SV2B: variants seen among roughly 807,000 people sequenced by gnomAD.
The protein encoded by SV2B is synaptic vesicle glycoprotein 2B, also known as solute carrier family 22 member B2.
Under a neutral mutation model 73.9 loss-of-function variants are expected in SV2B, and 41 were observed. The observed-to-expected ratio is 0.56, with a 90% CI of 0.43 to 0.72. The LOEUF (loss-of-function observed/expected upper bound fraction) is 0.72. SV2B is among the 30% of genes least tolerant of loss of function. The pLI is 0.00. For synonymous variants in SV2B, 314 were observed against 314.2 expected, an observed-to-expected ratio of 1.00 and a Z score of 0.01; for missense variants, 764 against 857.8, an observed-to-expected ratio of 0.89 and a Z score of 1.37.
intron 1 of SV2B, among the ~76,000 whole-genome samples, chr15:91,213,343 A>G (rs2045928272): frequency 6.6e-6 from 1 of 152,286 alleles, no homozygotes; most frequent in South Asian, 2.1e-4. Context: ...GTTAGGGTGT[A>G]GCAGAGGCAG....
chr15:91,136,246 C>A lies in SV2B; in HGVS notation c.-392+35883C>A, dbSNP rs77770483. Among the ~76,000 whole-genome samples the A allele has an allele frequency of 3.1e-3, 470 of 152,302 alleles. 2 individuals carry two copies. Among genetic ancestry groups the A allele is most frequent in the Middle Eastern group, 0.014 (4 of 294 alleles). ...AGGATGCCATTCAGGTGGGCATACT[C>A]AGATGCAGTGTAGCATAGGTATAAA... On this transcript the variant is annotated intron_variant, in intron 1 of 12. Coordinates refer to ENST00000394232, the MANE Select transcript of SV2B (RefSeq NM_001323032.3). The surrounding 1 kb of genome is among the most constrained non-coding windows in gnomAD (Gnocchi z 5.6).
In SV2B at chr15:91,300,043, C is replaced by T; in HGVS notation, c.*7491C>T. On this transcript the variant is annotated 3_prime_UTR_variant, in exon 13 of 13. Transcript: ENST00000394232. ...TCCATAGTGTGTGCATATATACACACAAGGTTTGGTTTAATATACTTGCTG... is the reference window on the plus strand; with the variant it reads ...TCCATAGTGTGTGCATATATACACATAAGGTTTGGTTTAATATACTTGCTG... 6.6e-6 allele frequency: 1 copy of T among 152,124 alleles called. No individual in the cohort carries two copies. The highest frequency in any genetic ancestry group is 1.5e-5 in the Non-Finnish European group (1 of 68,016). The allele number at this position is 152,124 out of a possible 1,614,324, so 9.4% of individuals were successfully genotyped here. A position where few individuals can be genotyped will look rare whatever the true frequency, so the allele number is the denominator to read the frequency against.
At position 91,284,289 on chromosome 15, in the gene SV2B, C is replaced by A. The variant is rs2141773295; in HGVS notation, c.1708+68C>A. On this transcript the variant is annotated intron_variant, in intron 11 of 12. Coordinates refer to ENST00000394232, the MANE Select transcript of SV2B (RefSeq NM_001323032.3). This position sits in a 1 kb window ranked among gnomAD's most constrained non-coding sequence, Gnocchi z 4.5. ...GGTGGTGACTTTCAAGTGTATTAAA[C>A]AGGGAAATTTTCCCTTTTATTAAAT... The A allele has an allele frequency of 1.3e-6, 2 of 1,535,642 alleles. No homozygotes were observed. The highest frequency in any genetic ancestry group is 4.5e-5 in the East Asian group (2 of 44,308).
In SV2B at chr15:91,265,005, G is replaced by A. The variant is rs2048051478; in HGVS notation, c.1009-1577G>A. 6.6e-6 allele frequency among the ~76,000 whole-genome samples: 1 copy of A among 152,140 alleles called. No individual in the cohort carries two copies. Among genetic ancestry groups the A allele is most frequent in the Admixed American group, 6.5e-5 (1 of 15,284 alleles). Reference sequence around the variant, plus strand: ...TGATGTAGAAGTAAATGGCTGGATGGGCCAGAAAAAGAAATGAAAAAAGAG... The same window carrying A: ...TGATGTAGAAGTAAATGGCTGGATGAGCCAGAAAAAGAAATGAAAAAAGAG... On this transcript the variant is annotated intron_variant, in intron 6 of 12. Transcript: ENST00000394232. This position sits in a 1 kb window ranked among gnomAD's most constrained non-coding sequence, Gnocchi z 4.2.
At position 91,128,326 on chromosome 15, in the gene SV2B, AT is replaced by A. The variant is rs2042545513; in HGVS notation, c.-392+27965del. On this transcript the variant is annotated intron_variant, in intron 1 of 12. Coordinates refer to ENST00000394232, the MANE Select transcript of SV2B (RefSeq NM_001323032.3). The surrounding 1 kb of genome is among the most constrained non-coding windows in gnomAD (Gnocchi z 4.2). ...AAGCTGTTCTGTTCTTTCCTTGACAATTATCTTTGCAGCTTGTTAGTAAGAT... is the reference window on the plus strand; with the variant it reads ...AAGCTGTTCTGTTCTTTCCTTGACAATATCTTTGCAGCTTGTTAGTAAGAT... Among the ~76,000 whole-genome samples, 1 of 152,162 alleles carries A rather than the reference AT, an allele frequency of 6.6e-6. No individual in the cohort carries two copies. The highest frequency in any genetic ancestry group is 1.5e-5 in the Non-Finnish European group (1 of 68,018).
Position 91,223,410 on chromosome 15 carries a change from G to A in SV2B, c.-391-2463G>A, listed in dbSNP as rs1300316268. Among the ~76,000 whole-genome samples, 2 of 152,218 alleles carry A rather than the reference G, an allele frequency of 1.3e-5. No homozygotes were observed. The highest frequency in any genetic ancestry group is 3.2e-3 in the Middle Eastern group (1 of 316). ...TACTCCACTGCACTTGACATTCACAGCAGGTCTTTTAACTGAATCAGGTGA... is the reference window on the plus strand; with the variant it reads ...TACTCCACTGCACTTGACATTCACAACAGGTCTTTTAACTGAATCAGGTGA... On this transcript the variant is annotated intron_variant, in intron 1 of 12. Transcript: ENST00000394232. This position sits in a 1 kb window ranked among gnomAD's most constrained non-coding sequence, Gnocchi z 4.6.
In SV2B at chr15:91,130,504, T is replaced by TGA. The variant is rs1301045343; in HGVS notation, c.-392+30156_-392+30157dup. ...GAAGTGGAGGGTAAGGAACAGGGAA[T>TGA]GAGAGAGAGAGAGAGAAGCAGCTGC... On this transcript the variant is annotated intron_variant, in intron 1 of 12. Coordinates refer to ENST00000394232, the MANE Select transcript of SV2B (RefSeq NM_001323032.3). This position sits in a 1 kb window ranked among gnomAD's most constrained non-coding sequence, Gnocchi z 5.6. Among the ~76,000 whole-genome samples the TGA allele has an allele frequency of 8.0e-5, 12 of 149,808 alleles. No homozygotes were observed. Among genetic ancestry groups the TGA allele is most frequent in the African/African-American group, 1.5e-4 (6 of 40,734 alleles).
chr15:91,208,378 C>G (rs1189231554), intron 1 of SV2B, among the ~76,000 whole-genome samples: 1 of 152,256 alleles, frequency 6.6e-6, no homozygotes, highest in Non-Finnish European at 1.5e-5. Flanking sequence ...GTGTTTTCCC[C>G]CCACCCTTGA....
rs996075540 is a variant in SV2B at position 91,300,511 on chromosome 15, T to C, written c.*7959T>C. The C allele has an allele frequency of 6.6e-6, 1 of 152,242 alleles. No homozygotes were observed. The highest frequency in any genetic ancestry group is 1.9e-4 in the East Asian group (1 of 5,196). 9.4% of individuals were successfully genotyped at this position (152,242 alleles called of 1,614,324 possible). ...GTAGCCAAAACTTGGAAAGTTCAAATTAATCTTTGGGCTCCAAAGAGCAAT... is the reference window on the plus strand; with the variant it reads ...GTAGCCAAAACTTGGAAAGTTCAAACTAATCTTTGGGCTCCAAAGAGCAAT... On this transcript the variant is annotated 3_prime_UTR_variant, in exon 13 of 13. Transcript: ENST00000394232.
In SV2B at chr15:91,226,533, G is replaced by C. The variant is rs1365105341; in HGVS notation, c.270G>C (p.Gln90His). ...LMAERLEDEE[Q>H]LAHQYETIMD... ...CTGAGAGGCTGGAAGATGAGGAGCA[G>C]TTGGCCCACCAGTACGAGACCATCA... Residue 90 changes from glutamine (Q) to histidine (H), a missense_variant, in exon 2 of 13, where the codon CAG becomes CAC. Gln to His is a conservative substitution (Grantham distance 24). Coordinates refer to ENST00000394232, the MANE Select transcript of SV2B (RefSeq NM_001323032.3). The C allele has an allele frequency of 1.9e-6, 3 of 1,614,210 alleles. No homozygotes were observed. Among genetic ancestry groups the C allele is most frequent in the Non-Finnish European group, 2.5e-6 (3 of 1,180,038 alleles).
chr15:91,187,145 A>C (rs1169012657), intron 1 of SV2B, among the ~76,000 whole-genome samples: 1 of 152,218 alleles, frequency 6.6e-6, no homozygotes, highest in Non-Finnish European at 1.5e-5. Flanking sequence ...ATGTGTGAAC[A>C]CTGCATTTAA....
chr15:91,185,515 T>G (rs2044737127), intron 1 of SV2B, among the ~76,000 whole-genome samples: 1 of 152,212 alleles, frequency 6.6e-6, no homozygotes, highest in South Asian at 2.1e-4. Flanking sequence ...CTCATAGCTA[T>G]ATTAGAAGAT....
At position 91,240,477 on chromosome 15, in the gene SV2B, G is replaced by A. The variant is rs537200285; in HGVS notation, c.452-11342G>A. Among the ~76,000 whole-genome samples, 110 of 152,196 alleles carry A rather than the reference G, an allele frequency of 7.2e-4. No homozygotes were observed. The highest frequency in any genetic ancestry group is 2.5e-3 in the African/African-American group (104 of 41,540). The stretch of plus-strand genomic sequence containing the variant: ...GCTTGTTTACTGATGAACAAGAGGT[G>A]TTAGTCCCTCCTGTCCTGTCATGGA... On this transcript the variant is annotated intron_variant, in intron 2 of 12. Coordinates refer to ENST00000394232, the MANE Select transcript of SV2B (RefSeq NM_001323032.3). The surrounding 1 kb of genome is among the most constrained non-coding windows in gnomAD (Gnocchi z 4.6).
chr15:91,181,163 G>C (rs1210421349), intron 1 of SV2B, among the ~76,000 whole-genome samples: 2 of 152,230 alleles, frequency 1.3e-5, no homozygotes, highest in Admixed American at 6.5e-5. Context: ...GTCCACTCCA[G>C]ACCCTGTTTG....
chr15:91,195,622 C>G lies in SV2B; in HGVS notation c.-391-30251C>G, dbSNP rs565914004. On this transcript the variant is annotated intron_variant, in intron 1 of 12. Transcript: ENST00000394232. The stretch of plus-strand genomic sequence containing the variant: ...TTTCTATTATGGCAGCATGGTGTAA[C>G]CTAATTAATGAGTGGCTGAAGGTTC... Among the ~76,000 whole-genome samples, 5 of 152,282 alleles carry G rather than the reference C, an allele frequency of 3.3e-5. No individual in the cohort carries two copies. In the East Asian group the frequency reaches 9.6e-4, roughly 29 times the overall value.
chr15:91,103,370 CATCTTT>C (rs1257828170), intron 1 of SV2B, among the ~76,000 whole-genome samples: 2 of 152,150 alleles, frequency 1.3e-5, no homozygotes, highest in African/African-American at 2.4e-5. Flanking sequence ...AAGAAAAGGT[CATCTTT>C]AGCAAACAGG....
At chr15:91,285,364 G>A (rs2048825528) in intron 11 of SV2B, among the ~76,000 whole-genome samples, 1 of 152,170 alleles carries the variant, frequency 6.6e-6, no homozygotes, top group South Asian at 2.1e-4. Flanking sequence ...GCCCTATGGG[G>A]GAAGGGACAA....
intron 1 of SV2B, among the ~76,000 whole-genome samples, chr15:91,221,491 G>T (rs2046209188): frequency 1.3e-5 from 2 of 152,090 alleles, no homozygotes; most frequent in South Asian, 4.2e-4. Flanking sequence ...GGAATTATAG[G>T]ATGCTGGAAA....
At chr15:91,138,563 T>A (rs888523687) in intron 1 of SV2B, among the ~76,000 whole-genome samples, 10 of 152,272 alleles carry the variant, frequency 6.6e-5, no homozygotes, top group African/African-American at 1.2e-4. Flanking sequence ...AAGATTTTTT[T>A]AAAAAAATGG....
Sources: allele counts gnomAD v4.1 joint callset (sites outside exome capture counted in the v4.1 genomes callset), GRCh38; gene constraint gnomAD v4.1.1; non-coding constraint Gnocchi (gnomAD v3.1); transcripts MANE v1.5; gene names NCBI Gene and HGNC (gene_info 2026-07-23, HGNC 2026-07-21).